The following CCL2 variants were observed in gnomAD, a reference collection of about 807,000 sequenced individuals.
The protein encoded by CCL2 is C-C motif chemokine ligand 2.
In CCL2, 2 loss-of-function variants were observed where a neutral mutation model predicts 6.7. The observed-to-expected ratio is 0.30, with a 90% CI of 0.12 to 0.94. The LOEUF (loss-of-function observed/expected upper bound fraction) is 0.94. Among genes scored for constraint, CCL2 ranks in the 40% least tolerant of loss-of-function variants. The pLI, the probability that CCL2 is intolerant of heterozygous loss-of-function variation, is 0.54. For missense variants in CCL2, 89 were observed against 119.3 expected (o/e 0.75, Z 1.18); for synonymous variants, 43 against 45.2 (o/e 0.95, Z 0.19).
chr17:34,255,485 C>G, intron 1 of CCL2, 60 bp downstream of exon 1: 2 of 1,409,972 alleles, frequency 1.4e-6, no homozygotes. Context: ...TATCATGGAC[C>G]ATCCAAGCAG....
chr17:34,255,466 T>C (rs1019853435), intron 1 of CCL2, 41 bp downstream of exon 1: 1 of 1,529,898 alleles, frequency 6.5e-7, no homozygotes. Context: ...CATTGTCTTC[T>C]CTCTGAGTTA....
In CCL2 at chr17:34,255,299, A is replaced by C. The variant is rs1440101574; in HGVS notation, c.-51A>C. 2.6e-6 allele frequency: 4 copies of C among 1,544,562 alleles called. No homozygotes were observed. Among genetic ancestry groups the C allele is most frequent in the East Asian group, 2.3e-5 (1 of 44,422 alleles). ...CCAGAGGAACCGAGAGGCTGAGACT[A>C]ACCCAGAAACATCCAATTCTCAAAC... On this transcript the variant is annotated 5_prime_UTR_variant, in exon 1 of 3. Coordinates refer to ENST00000225831, the MANE Select transcript of CCL2 (RefSeq NM_002982.4).
intron 1 of CCL2, chr17:34,255,903 G>A: frequency 3.4e-6 from 1 of 294,254 alleles, no homozygotes. Context: ...GGGCTCCCCA[G>A]CTGATCTTCC....
rs573426877 is a variant in CCL2 at position 34,256,663 on chromosome 17, G to C, written c.195-59G>C. 3.6e-5 allele frequency: 43 copies of C among 1,207,246 alleles called. No homozygotes were observed. In the African/African-American group the frequency reaches 6.1e-4, roughly 17 times the overall value. 74.8% of individuals were successfully genotyped at this position (1,207,246 alleles called of 1,614,324 possible). ...GCAGCCCTTTGGTGCAGAATGGGCT[G>C]CACTTCTAGACCAAAACTGCAAAGG... On this transcript the variant is annotated intron_variant, in intron 2 of 2. Transcript: ENST00000225831.
intron 2 of CCL2, 136 bp from the exon 3 acceptor site, chr17:34,256,586 A>C: frequency 1.6e-6 from 1 of 644,468 alleles, no homozygotes; most frequent in South Asian, 2.0e-5. Flanking sequence ...CTATAGGAGC[A>C]GTTTGCCCTG....
In CCL2 at chr17:34,255,383, C is replaced by T; in HGVS notation, c.34C>T (p.Leu12Phe). The T allele has an allele frequency of 6.2e-7, 1 of 1,614,014 alleles. No homozygotes were observed. The highest frequency in any genetic ancestry group is 8.5e-7 in the Non-Finnish European group (1 of 1,179,960). ...CTCTGCCGCCCTTCTGTGCCTGCTG[C>T]TCATAGCAGCCACCTTCATTCCCCA... Reference protein sequence around the residue: ...KVSAALLCLLLIAATFIPQGL... With the variant: ...KVSAALLCLLFIAATFIPQGL... Residue 12 changes from leucine to phenylalanine, a missense_variant, in exon 1 of 3, where the codon CTC becomes TTC. By Grantham distance (22) the Leu-to-Phe change is conservative (BLOSUM62 0). Transcript: ENST00000225831.
chr17:34,256,952 T>A lies in CCL2; in HGVS notation c.*125T>A. The A allele has an allele frequency of 1.7e-6, 1 of 580,326 alleles. No homozygotes were observed. Among genetic ancestry groups the A allele is most frequent in the Non-Finnish European group, 3.1e-6 (1 of 320,214 alleles). The allele number at this position is 580,326 out of a possible 1,614,324, so 35.9% of individuals were successfully genotyped here. On this transcript the variant is annotated 3_prime_UTR_variant, in exon 3 of 3. Transcript: ENST00000225831. ...ATGTGAAACATTATGCCTTAAGTAATGTTAATTCTTATTTAAGTTATTGAT... is the reference window on the plus strand; with the variant it reads ...ATGTGAAACATTATGCCTTAAGTAAAGTTAATTCTTATTTAAGTTATTGAT...
chr17:34,255,949 A>G (rs962486824), intron 1 of CCL2: 1 of 384,484 alleles, frequency 2.6e-6, no homozygotes, highest in Non-Finnish European at 4.7e-6. Flanking sequence ...GTCCGTCTTA[A>G]TGACACTTGT....
chr17:34,256,399 A>G, intron 2 of CCL2, 60 bp downstream of exon 2: 1 of 1,135,602 alleles, frequency 8.8e-7, no homozygotes, highest in Non-Finnish European at 1.3e-6. Context: ...GCAAGGGACA[A>G]GCCTCATAAA....
Position 34,256,274 on chromosome 17 carries a change from C to T in CCL2, c.129C>T (p.Ile43=). 1 of 1,613,936 alleles carries T rather than the reference C, an allele frequency of 6.2e-7. No homozygotes were observed. The highest frequency in any genetic ancestry group is 8.5e-7 in the Non-Finnish European group (1 of 1,179,838). The change falls in exon 2 of 3, where the codon ATC becomes ATT. Residue 43 remains isoleucine, a synonymous_variant. Transcript: ENST00000225831. ...TCCYNFTNRK[I]SVQRLASYRR... ...GTTATAACTTCACCAATAGGAAGAT[C>T]TCAGTGCAGAGGCTCGCGAGCTATA...
intron 1 of CCL2, chr17:34,255,853 A>G: frequency 3.9e-6 from 1 of 256,948 alleles, no homozygotes; most frequent in East Asian, 8.8e-5. Context: ...ACTCATGACC[A>G]GGCATAGCCT....
At position 34,257,110 on chromosome 17, in the gene CCL2, AT is replaced by A. The variant is rs536851983; in HGVS notation, c.*291del. ...TTTGCAAGAATCATTAATACAAAGA[AT>A]TTTTTTTAACATTCCAATGCATTGC... On this transcript the variant is annotated 3_prime_UTR_variant, in exon 3 of 3. Transcript: ENST00000225831. 1,045 of 237,752 alleles carry A rather than the reference AT, an allele frequency of 4.4e-3. 18 individuals are homozygous for A. The highest frequency in any genetic ancestry group is 0.021 in the African/African-American group (934 of 44,646). The allele number at this position is 237,752 out of a possible 1,614,324, so 14.7% of individuals were successfully genotyped here.
chr17:34,255,442 T>C lies in CCL2; in HGVS notation c.76+17T>C. On this transcript the variant is annotated intron_variant, in intron 1 of 2. Coordinates refer to ENST00000225831, the MANE Select transcript of CCL2 (RefSeq NM_002982.4). Reference sequence around the variant, plus strand: ...CTCAGCCAGGTAAGGCCCCCTCTTCTTCTCCTTGAACCACATTGTCTTCTC... The same window carrying C: ...CTCAGCCAGGTAAGGCCCCCTCTTCCTCTCCTTGAACCACATTGTCTTCTC... The C allele has an allele frequency of 6.2e-7, 1 of 1,606,276 alleles. No individual in the cohort carries two copies. The highest frequency in any genetic ancestry group is 1.1e-5 in the South Asian group (1 of 90,908).
intron 2 of CCL2, 24 bp downstream of exon 2, chr17:34,256,363 C>G: frequency 1.4e-6 from 2 of 1,473,036 alleles, no homozygotes; most frequent in East Asian, 2.3e-5. Flanking sequence ...ACCAACCTTC[C>G]CTGGCCTGAA....
chr17:34,256,942 C>A lies in CCL2; in HGVS notation c.*115C>A. 1.7e-6 allele frequency: 1 copy of A among 605,856 alleles called. No individual in the cohort carries two copies. The highest frequency in any genetic ancestry group is 3.0e-6 in the Non-Finnish European group (1 of 336,458). 37.5% of individuals were successfully genotyped at this position (605,856 alleles called of 1,614,324 possible). ...TTGTTTGTTGATGTGAAACATTATG[C>A]CTTAAGTAATGTTAATTCTTATTTA... On this transcript the variant is annotated 3_prime_UTR_variant, in exon 3 of 3. Transcript: ENST00000225831.
At chr17:34,256,416 G>A (rs745556919) in intron 2 of CCL2, 77 bp downstream of exon 2, 24 of 955,330 alleles carry the variant, frequency 2.5e-5, no homozygotes, top group Non-Finnish European at 3.5e-5. Context: ...TAAACCTAGA[G>A]TCAGAGAGTG....
Position 34,256,744 on chromosome 17 carries a change from G to T in CCL2, c.217G>T (p.Glu73Ter), listed in dbSNP as rs1235631648. Residue 73 changes from glutamate to a stop codon, truncating the protein, a stop_gained, in exon 3 of 3, where the codon GAG (glutamate) becomes TAG (stop). Coordinates refer to ENST00000225831, the MANE Select transcript of CCL2 (RefSeq NM_002982.4). LOFTEE classifies it low-confidence loss of function (END_TRUNC). ...CAGCTTCAAGACCATTGTGGCCAAG[G>T]AGATCTGTGCTGACCCCAAGCAGAA... ...AVIFKTIVAK[E>*]ICADPKQKWV... 6.2e-7 allele frequency: 1 copy of T among 1,612,860 alleles called. No homozygotes were observed. Among genetic ancestry groups the T allele is most frequent in the Non-Finnish European group, 8.5e-7 (1 of 1,179,348 alleles).
intron 2 of CCL2, 62 bp from the exon 3 acceptor site, chr17:34,256,660 G>T: frequency 1.7e-6 from 2 of 1,161,730 alleles, no homozygotes; most frequent in Non-Finnish European, 2.6e-6. Flanking sequence ...TGCAGAATGG[G>T]CTGCACTTCT....
chr17:34,256,400 G>A, intron 2 of CCL2, 61 bp downstream of exon 2: 1 of 1,134,720 alleles, frequency 8.8e-7, no homozygotes, highest in Non-Finnish European at 1.3e-6. Flanking sequence ...CAAGGGACAA[G>A]CCTCATAAAC....
Sources: allele counts gnomAD v4.1 joint callset, GRCh38; gene constraint gnomAD v4.1.1; transcripts MANE v1.5; gene names NCBI Gene and HGNC (gene_info 2026-07-23, HGNC 2026-07-21).